The following MCF2L variants were observed in gnomAD, a reference collection of about 807,000 sequenced individuals.
MCF2L encodes the protein guanine nucleotide exchange factor DBS.
Under a neutral mutation model 153.4 loss-of-function variants are expected in MCF2L, and 97 were observed. The ratio of observed to expected loss-of-function variants is 0.63; its 90% CI spans 0.54 to 0.75. The LOEUF (loss-of-function observed/expected upper bound fraction) is 0.75, where lower values mean the gene tolerates loss of function less well. Ranked by LOEUF, MCF2L falls within the 30% of genes least tolerant of loss-of-function variation. MCF2L has a pLI of 0.00. For missense variants in MCF2L, 1,347 were observed against 1,495.2 expected (o/e 0.90, Z 1.64); for synonymous variants, 659 against 632.2 (o/e 1.04, Z -0.64).
At chr13:112,914,545 A>G (rs149259532) in intron 2 of MCF2L, among the ~76,000 whole-genome samples, 101 of 152,336 alleles carry the variant, frequency 6.6e-4, no homozygotes, top group African/African-American at 2.3e-3. Context: ...AGTATTCCTC[A>G]GGTACTCACA....
At chr13:112,979,265 G>A (rs9549621) in intron 1 of MCF2L, 255,565 of 1,023,012 alleles carry the variant, frequency 0.25, 32,634 homozygotes, top group Middle Eastern at 0.28. Flanking sequence ...AAGGCAAGGA[G>A]GTCCAGCCCA....
chr13:113,039,553 T>C (rs758886843), intron 3 of MCF2L, among the ~76,000 whole-genome samples: 1 of 152,234 alleles, frequency 6.6e-6, no homozygotes, highest in Admixed American at 6.5e-5. Flanking sequence ...TGGAAGCAGA[T>C]GTTTGCAATA....
intron 2 of MCF2L, among the ~76,000 whole-genome samples, chr13:113,024,207 G>A (rs2085084172): frequency 6.6e-6 from 1 of 152,208 alleles, no homozygotes; most frequent in Non-Finnish European, 1.5e-5. Context: ...AGTTAGGCAG[G>A]TTATTAGTGC....
At chr13:113,026,708 G>A (rs2085333469) in intron 3 of MCF2L, among the ~76,000 whole-genome samples, 1 of 152,252 alleles carries the variant, frequency 6.6e-6, no homozygotes, top group East Asian at 1.9e-4. Context: ...TGGGGGCGTG[G>A]CCGCCTCCTG....
At chr13:112,999,499 T>C (rs534929704) in intron 1 of MCF2L, among the ~76,000 whole-genome samples, 9 of 152,338 alleles carry the variant, frequency 5.9e-5, no homozygotes, top group South Asian at 2.1e-4. Flanking sequence ...CAGTCCTCTT[T>C]TTCGGCTGAT....
chr13:112,929,559 T>G (rs1490817934), intron 2 of MCF2L, among the ~76,000 whole-genome samples: 12 of 152,232 alleles, frequency 7.9e-5, no homozygotes, highest in Non-Finnish European at 1.5e-5. Context: ...CTCTTCACAC[T>G]CCTGATGAAA....
chr13:113,080,170 C>T (rs1334784905), intron 15 of MCF2L, among the ~76,000 whole-genome samples: 2 of 117,990 alleles, frequency 1.7e-5, no homozygotes, highest in Non-Finnish European at 3.5e-5. Context: ...AGAGTCCATA[C>T]GGAAGAGGGT....
chr13:112,906,912 A>G (rs77815906), intron 2 of MCF2L, among the ~76,000 whole-genome samples: 2,912 of 152,282 alleles, frequency 0.019, 96 homozygotes, highest in African/African-American at 0.063. Context: ...TTTGAGCATC[A>G]CACTGTTCAG....
chr13:112,934,185 CT>C (rs1216218454), intron 2 of MCF2L, among the ~76,000 whole-genome samples: 1 of 152,224 alleles, frequency 6.6e-6, no homozygotes, highest in African/African-American at 2.4e-5. Flanking sequence ...TGGAAGCCCC[CT>C]GCTTGCCACA....
rs529238615 is a variant in MCF2L at position 113,065,956 on chromosome 13, C to T, written c.757-90C>T. 5.4e-5 allele frequency: 76 copies of T among 1,403,108 alleles called. No homozygotes were observed. In the South Asian group the frequency reaches 9.4e-4, roughly 17 times the overall value. The allele number at this position is 1,403,108 out of a possible 1,614,324, so 86.9% of individuals were successfully genotyped here. A position where few individuals can be genotyped will look rare whatever the true frequency, so the allele number is the denominator to read the frequency against. On this transcript the variant is annotated intron_variant, in intron 7 of 29. Transcript: ENST00000535094. ...TTGACCCCTTCCTCAGTCCCCGCCC[C>T]CTCAAGAGCAAGGCCCCACGAGGCC...
chr13:113,063,350 C>T (rs1019230416), intron 5 of MCF2L, among the ~76,000 whole-genome samples: 4 of 151,904 alleles, frequency 2.6e-5, no homozygotes, highest in African/African-American at 9.7e-5. Flanking sequence ...ACACCCCTGC[C>T]TGCACAGCCG....
rs531557786 is a variant in MCF2L, at chr13:113,077,087, C to A, written c.1536C>A (p.Ser512Arg). The change falls in exon 13 of 30, where the codon AGC (serine) becomes AGA (arginine). Residue 512 changes from serine (S) to arginine (R), a missense_variant. Ser to Arg is a moderately radical substitution (Grantham distance 110). Transcript: ENST00000535094. ...HVRKVFQKQA[S>R]MEEVFHRRQA... ...GAAAGGTCTTCCAGAAGCAGGCAAG[C>A]ATGGAGGAGGTGTTCCACCGCAGGC... 1 of 1,612,890 alleles carries A rather than the reference C, an allele frequency of 6.2e-7. No individual in the cohort carries two copies. Among genetic ancestry groups the A allele is most frequent in the Admixed American group, 1.7e-5 (1 of 60,000 alleles).
At chr13:113,060,308 A>T (rs1397568897) in intron 4 of MCF2L, among the ~76,000 whole-genome samples, 1 of 152,236 alleles carries the variant, frequency 6.6e-6, no homozygotes, top group Non-Finnish European at 1.5e-5. Flanking sequence ...TTGGGGGGAC[A>T]CAGCTCAGCC....
rs74680370 is a variant in MCF2L at position 113,035,441 on chromosome 13, C to G, written c.279-9830C>G. Among the ~76,000 whole-genome samples the G allele has an allele frequency of 6.6e-6, 1 of 152,312 alleles. No homozygotes were observed. The highest frequency in any genetic ancestry group is 1.9e-4 in the East Asian group (1 of 5,180). ...GGAAACCAGGTCCTCTGACCTCACC[C>G]GGCTCTGCAGTCTGTTTTGCCGTTT... is the stretch of plus-strand genomic sequence containing the variant. On this transcript the variant is annotated intron_variant, in intron 3 of 29. Transcript: ENST00000535094. The surrounding 1 kb of genome is among the most constrained non-coding windows in gnomAD (Gnocchi z 4.4).
intron 4 of MCF2L, among the ~76,000 whole-genome samples, chr13:113,056,609 CTGAG>C (rs2029879390): frequency 7.5e-6 from 1 of 133,068 alleles, no homozygotes; most frequent in Non-Finnish European, 1.6e-5. Context: ...TGTTTTGGCG[CTGAG>C]TGAGTGCTGA....
chr13:112,961,971 G>A (rs1594388404), intron 2 of MCF2L, among the ~76,000 whole-genome samples: 1 of 152,152 alleles, frequency 6.6e-6, no homozygotes, highest in Admixed American at 6.5e-5. Flanking sequence ...GTTGCACAGC[G>A]AGGGGACATG....
chr13:113,037,939 ACAGT>A (rs2086248812), intron 3 of MCF2L, among the ~76,000 whole-genome samples: 1 of 152,244 alleles, frequency 6.6e-6, no homozygotes, highest in South Asian at 2.1e-4. Flanking sequence ...AAATTAAGTA[ACAGT>A]CAGACTCTTA....
intron 2 of MCF2L, among the ~76,000 whole-genome samples, chr13:112,933,702 C>A (rs113255762): frequency 6.6e-6 from 1 of 152,230 alleles, no homozygotes; most frequent in Non-Finnish European, 1.5e-5. Flanking sequence ...GTGAGGTGTG[C>A]CCGAGTCTTA....
At chr13:112,997,833 C>T (rs2141021261) in intron 1 of MCF2L, among the ~76,000 whole-genome samples, 1 of 152,370 alleles carries the variant, frequency 6.6e-6, no homozygotes, top group East Asian at 1.9e-4. Flanking sequence ...CGTGGTGACG[C>T]TCATTGTTCA....
Sources: gnomAD v4.1 joint callset for allele counts (sites outside exome capture counted in the v4.1 genomes callset) on GRCh38, gnomAD v4.1.1 for gene constraint, Gnocchi (gnomAD v3.1) non-coding constraint, MANE v1.5 for transcripts, NCBI Gene and HGNC (gene_info 2026-07-23, HGNC 2026-07-21) for gene names.